EDNRB: variants seen among roughly 807,000 people sequenced by gnomAD.
EDNRB encodes the protein Hirschsprung disease 2.
A neutral mutation model predicts 46.4 loss-of-function variants in EDNRB; 18 were observed. The ratio of observed to expected loss-of-function variants is 0.39; its 90% CI spans 0.27 to 0.57. The LOEUF (loss-of-function observed/expected upper bound fraction) is 0.57, where lower values mean the gene tolerates loss of function less well. Ranked by LOEUF, EDNRB falls within the 20% of genes least tolerant of loss-of-function variation. The pLI is 0.61. For missense variants in EDNRB, 434 were observed against 537.5 expected, an observed-to-expected ratio of 0.81 and a Z score of 1.90; for synonymous variants, 213 against 204.9, an observed-to-expected ratio of 1.04 and a Z score of -0.34.
rs112081467 is a variant in EDNRB at position 77,916,201 on chromosome 13, G to T, written c.483+1890C>A. On this transcript the variant is annotated intron_variant, in intron 1 of 6. Coordinates refer to ENST00000646607, the MANE Select transcript of EDNRB (RefSeq NM_001122659.3). The stretch of plus-strand genomic sequence containing the variant: ...TTTCATAAAATCCTGTGCCAACCTA[G>T]CAAAACTAGATTTTAATCTCCCTTT... 8.2e-3 allele frequency among the ~76,000 whole-genome samples: 1,247 copies of T among 152,272 alleles called. 16 individuals are homozygous for T. Among genetic ancestry groups the T allele is most frequent in the African/African-American group, 0.028 (1,159 of 41,546 alleles).
chr13:77,945,386 C>T (rs1324187110), intron 1 of EDNRB, among the ~76,000 whole-genome samples: 1 of 152,098 alleles, frequency 6.6e-6, no homozygotes, highest in East Asian at 1.9e-4. Flanking sequence ...GGTGTGTGCA[C>T]CAATATTTTG....
chr13:77,973,589 A>T (rs1014272808), intron 1 of EDNRB, among the ~76,000 whole-genome samples: 10 of 152,114 alleles, frequency 6.6e-5, no homozygotes, highest in African/African-American at 2.4e-4. Context: ...AACAAAACGC[A>T]CATATTTTTA....
At position 77,898,225 on chromosome 13, in the gene EDNRB, G is replaced by A. The variant is rs757021438; in HGVS notation, c.1304C>T (p.Ser435Phe). ...ANDHGYDNFR[S>F]SNKYSSS ...TCAAGATGAGCTGTATTTATTACTG[G>A]AACGGAAGTTGTCATATCCGTGATC... Residue 435 changes from serine to phenylalanine, a missense_variant, in exon 7 of 7, where the codon TCC (serine) becomes TTC (phenylalanine). Transcript: ENST00000646607. 1.2e-6 allele frequency: 2 copies of A among 1,611,744 alleles called. No individual in the cohort carries two copies. The highest frequency in any genetic ancestry group is 1.7e-6 in the Non-Finnish European group (2 of 1,178,756).
chr13:77,896,943 T>G lies in EDNRB; in HGVS notation c.*1257A>C, dbSNP rs892822800. 6.0e-6 allele frequency: 6 copies of G among 993,134 alleles called. No homozygotes were observed. In the African/African-American group the frequency reaches 1.0e-4, roughly 17 times the overall value. 61.5% of individuals were successfully genotyped at this position (993,134 alleles called of 1,614,324 possible). On this transcript the variant is annotated 3_prime_UTR_variant, in exon 7 of 7. Transcript: ENST00000646607. ...GCCTCTAGATGAAAGAAAAGCACCATGTCAAGCAAACTTTTCTATTGGCTA... is the reference window on the plus strand; with the variant it reads ...GCCTCTAGATGAAAGAAAAGCACCAGGTCAAGCAAACTTTTCTATTGGCTA...
chr13:77,943,618 A>G (rs574519069), intron 1 of EDNRB, among the ~76,000 whole-genome samples: 7 of 152,192 alleles, frequency 4.6e-5, no homozygotes, highest in South Asian at 2.1e-4. Flanking sequence ...ATGGTTTTAT[A>G]TGTTTTTATG....
rs1401360436 is a variant in EDNRB, at chr13:77,918,442, C to A, written c.132G>T (p.Glu44Asp). 2 of 1,566,002 alleles carry A rather than the reference C, an allele frequency of 1.3e-6. No individual in the cohort carries two copies. The highest frequency in any genetic ancestry group is 1.9e-5 in the Admixed American group (1 of 52,608). The change falls in exon 1 of 7, where the codon GAG (glutamate) becomes GAT (aspartate). Residue 44 changes from glutamate to aspartate, a missense_variant. Transcript: ENST00000646607. The surrounding 1 kb of genome is among the most constrained non-coding windows in gnomAD (Gnocchi z 4.5). The stretch of plus-strand genomic sequence containing the variant: ...AGGTCTTAGTGGGTGGCGTCATTAT[C>A]TCTGCGGTTTGCAAAAGCGGAGTGG... ...DRATPLLQTAEIMTPPTKTLW... is the reference protein window; with the variant it reads ...DRATPLLQTADIMTPPTKTLW...
chr13:77,919,403 G>A, upstream of EDNRB: 1 of 1,610,862 alleles, frequency 6.2e-7, no homozygotes, highest in Non-Finnish European at 8.5e-7. Flanking sequence ...TTACCTCTCG[G>A]ATCTGACAAA....
chr13:77,935,558 G>T (rs1344358434), intron 1 of EDNRB, among the ~76,000 whole-genome samples: 2 of 152,202 alleles, frequency 1.3e-5, no homozygotes, highest in Admixed American at 1.3e-4. Context: ...TGTAGAAGGT[G>T]TTGGGGTTTG....
intron 1 of EDNRB, among the ~76,000 whole-genome samples, chr13:77,965,335 A>C (rs927519793): frequency 1.3e-5 from 2 of 152,198 alleles, no homozygotes; most frequent in Non-Finnish European, 2.9e-5. Flanking sequence ...ATTAGATTAA[A>C]AAACTATTTT....
At chr13:77,907,367 A>G (rs561091857) in intron 1 of EDNRB, among the ~76,000 whole-genome samples, 1 of 151,976 alleles carries the variant, frequency 6.6e-6, no homozygotes, top group African/African-American at 2.4e-5. Context: ...CCTGGCCCTC[A>G]GACTGGTTTC....
intron 1 of EDNRB, among the ~76,000 whole-genome samples, chr13:77,961,947 T>C (rs1373953391): frequency 6.6e-6 from 1 of 152,038 alleles, no homozygotes; most frequent in Non-Finnish European, 1.5e-5. Flanking sequence ...ATAAAGGGGA[T>C]ATCACCACCA....
intron 1 of EDNRB, among the ~76,000 whole-genome samples, chr13:77,936,072 T>C (rs1192491665): frequency 6.6e-6 from 1 of 152,134 alleles, no homozygotes; most frequent in Non-Finnish European, 1.5e-5. Context: ...GGATGGGATA[T>C]TGGCATTGAG....
intron 1 of EDNRB, among the ~76,000 whole-genome samples, chr13:77,964,010 A>T (rs922801865): frequency 6.6e-6 from 1 of 152,242 alleles, no homozygotes; most frequent in Non-Finnish European, 1.5e-5. Flanking sequence ...GCCAACAGAC[A>T]CATGAAAAAA....
chr13:77,940,254 T>A (rs963158348), intron 1 of EDNRB, among the ~76,000 whole-genome samples: 1 of 151,778 alleles, frequency 6.6e-6, no homozygotes, highest in Non-Finnish European at 1.5e-5. Flanking sequence ...TGGAGGTGTG[T>A]GGTAAAGATA....
intron 1 of EDNRB, among the ~76,000 whole-genome samples, chr13:77,937,506 G>A (rs1462896901): frequency 6.6e-6 from 1 of 152,094 alleles, no homozygotes; most frequent in East Asian, 1.9e-4. Flanking sequence ...ATATTTAATG[G>A]GGTCTGATGA....
At chr13:77,959,548 C>T (rs1881341145) in intron 1 of EDNRB, among the ~76,000 whole-genome samples, 1 of 152,184 alleles carries the variant, frequency 6.6e-6, no homozygotes, top group Non-Finnish European at 1.5e-5. Flanking sequence ...TGTACGTCAC[C>T]ATCATCAAAG....
intron 1 of EDNRB, among the ~76,000 whole-genome samples, chr13:77,951,542 TAAGTA>T (rs775039671): frequency 7.9e-5 from 12 of 152,112 alleles, no homozygotes; most frequent in East Asian, 1.9e-4. Context: ...CAAATACAGT[TAAGTA>T]AAGTCTCCTG....
chr13:77,901,222 G>GA lies in EDNRB; in HGVS notation c.802-16dup. 6.2e-7 allele frequency: 1 copy of GA among 1,608,542 alleles called. No individual in the cohort carries two copies. On this transcript the variant is annotated splice_polypyrimidine_tract_variant and intron_variant, in intron 3 of 6. Coordinates refer to ENST00000646607, the MANE Select transcript of EDNRB (RefSeq NM_001122659.3). ...GTCTTGTAAAACTATAGGGATGAGA[G>GA]AATTTTTACGATTAATACTCCTCTG...
chr13:77,954,466 T>C (rs1261266770), intron 1 of EDNRB, among the ~76,000 whole-genome samples: 1 of 150,332 alleles, frequency 6.7e-6, no homozygotes, highest in Non-Finnish European at 1.5e-5. Context: ...CAGGATTTTC[T>C]TTTTTAAGAA....
Sources: allele counts gnomAD v4.1 joint callset (sites outside exome capture counted in the v4.1 genomes callset), GRCh38; gene constraint gnomAD v4.1.1; non-coding constraint Gnocchi (gnomAD v3.1); transcripts MANE v1.5; gene names NCBI Gene and HGNC (gene_info 2026-07-23, HGNC 2026-07-21).